ZPBP: variants seen among roughly 807,000 people sequenced by gnomAD.
ZPBP encodes zona pellucida binding protein.
ZPBP carries 26 observed loss-of-function variants against 44.8 expected under a neutral mutation model. The ratio of observed to expected loss-of-function variants is 0.58; its 90% confidence interval spans 0.43 to 0.81. ZPBP has a LOEUF of 0.81. ZPBP is among the 30% of genes least tolerant of loss of function. The probability of loss-of-function intolerance (pLI) is 0.00; values close to 1 mark genes in which losing one functional copy is unlikely to be tolerated. For missense variants in ZPBP, 409 were observed against 434.0 expected, an observed-to-expected ratio of 0.94 and a Z score of 0.51; for synonymous variants, 174 against 153.2, an observed-to-expected ratio of 1.14 and a Z score of -1.00.
chr7:49,874,259 A>G (rs1237248513), intron 2 of ZPBP, among the ~76,000 whole-genome samples: 2 of 152,212 alleles, frequency 1.3e-5, no homozygotes, highest in Admixed American at 6.5e-5. Flanking sequence ...TGGTGGTCCC[A>G]TAGAATTACA....
intron 2 of ZPBP, among the ~76,000 whole-genome samples, chr7:49,897,039 G>T (rs994304579): frequency 6.2e-4 from 94 of 152,062 alleles, no homozygotes; most frequent in African/African-American, 2.2e-3. Context: ...GGGACTACAG[G>T]CGCCCGCCAC....
downstream of ZPBP, among the ~76,000 whole-genome samples, chr7:49,847,280 T>C (rs1485381783): frequency 6.6e-6 from 1 of 151,262 alleles, no homozygotes; most frequent in Non-Finnish European, 1.5e-5. Flanking sequence ...ATCTGACTAG[T>C]ATCATTTGCG....
At chr7:49,924,518 A>C (rs951201023) in intron 1 of ZPBP, among the ~76,000 whole-genome samples, 1 of 152,220 alleles carries the variant, frequency 6.6e-6, no homozygotes, top group Non-Finnish European at 1.5e-5. Flanking sequence ...AAATGTCTCC[A>C]TATGTTGCAA....
At chr7:50,072,448 C>G (rs778115767) in intron 3 of ZPBP, among the ~76,000 whole-genome samples, 1 of 152,224 alleles carries the variant, frequency 6.6e-6, no homozygotes, top group Non-Finnish European at 1.5e-5. Context: ...AAGGGAAGGA[C>G]AAAGGCCTGG....
At chr7:49,973,639 G>A (rs1470332351) in intron 7 of ZPBP, among the ~76,000 whole-genome samples, 2 of 152,018 alleles carry the variant, frequency 1.3e-5, no homozygotes, top group African/African-American at 4.8e-5. Flanking sequence ...TCCACAATGA[G>A]GAACACTTCA....
intron 6 of ZPBP, among the ~76,000 whole-genome samples, chr7:50,005,633 C>T (rs1798272402): frequency 6.6e-6 from 1 of 151,432 alleles, no homozygotes; most frequent in African/African-American, 2.4e-5. Context: ...ACAATATACA[C>T]AAAAGGAAAT....
At chr7:50,070,006 G>A (rs557101876) in intron 3 of ZPBP, among the ~76,000 whole-genome samples, 6 of 151,894 alleles carry the variant, frequency 4.0e-5, no homozygotes, top group Admixed American at 3.3e-4. Flanking sequence ...CATCTCCCTT[G>A]CCCCAGGACT....
intron 1 of ZPBP, among the ~76,000 whole-genome samples, chr7:49,902,665 A>T (rs1406752970): frequency 6.6e-6 from 1 of 152,062 alleles, no homozygotes; most frequent in East Asian, 1.9e-4. Context: ...ATTCTTATGA[A>T]ATAACAAGAA....
rs553114064 is a variant in ZPBP, at chr7:50,066,187, G to T, written c.335-8046C>A. Among the ~76,000 whole-genome samples, 27 of 150,812 alleles carry T rather than the reference G, an allele frequency of 1.8e-4. 1 individual carries two copies. The highest frequency in any genetic ancestry group is 3.1e-4 in the Non-Finnish European group (21 of 67,682). Reference sequence around the variant, plus strand: ...GATTATGAACATATGCAGCATGGCAGGCATCAAAGTACAAGGAAATAGGCC... The same window carrying T: ...GATTATGAACATATGCAGCATGGCATGCATCAAAGTACAAGGAAATAGGCC... On this transcript the variant is annotated intron_variant, in intron 3 of 7. Coordinates refer to ENST00000046087, the MANE Select transcript of ZPBP (RefSeq NM_007009.3).
intron 1 of ZPBP, among the ~76,000 whole-genome samples, chr7:49,930,222 C>A (rs1040625009): frequency 1.3e-5 from 2 of 152,190 alleles, no homozygotes; most frequent in Non-Finnish European, 2.9e-5. Flanking sequence ...ACTGCACCAG[C>A]TAAGGGGAAC....
intron 4 of ZPBP, among the ~76,000 whole-genome samples, chr7:50,036,028 A>T (rs1007392597): frequency 2.6e-5 from 4 of 152,252 alleles, no homozygotes; most frequent in Admixed American, 1.3e-4. Flanking sequence ...TGGCAGACAT[A>T]ACACACCTGA....
At chr7:49,983,240 C>A (rs1797107744) in intron 7 of ZPBP, 102 bp downstream of exon 7, 2 of 1,018,404 alleles carry the variant, frequency 2.0e-6, no homozygotes, top group Non-Finnish European at 3.0e-6. Context: ...TGAAAAAATA[C>A]CTAAATGATA....
intron 3 of ZPBP, among the ~76,000 whole-genome samples, chr7:50,073,372 G>C (rs1396017550): frequency 6.6e-6 from 1 of 151,960 alleles, no homozygotes; most frequent in African/African-American, 2.4e-5. Context: ...AAAGAAAAAG[G>C]AGTAAAAAAC....
In ZPBP at chr7:49,931,430, C is replaced by T. The variant is rs116894238; in HGVS notation, n.411+4321G>A. On this transcript the variant is annotated intron_variant and non_coding_transcript_variant, in intron 1 of 2. Transcript: ENST00000465922. ...ACAATGAAGTCCAGGTTGAGGTGGT[C>T]TCAAATGGAAATGAGGAGCTTGTTG... Among the ~76,000 whole-genome samples, 1,159 of 152,202 alleles carry T rather than the reference C, an allele frequency of 7.6e-3. 8 individuals carry two copies. The highest frequency in any genetic ancestry group is 0.012 in the Non-Finnish European group (842 of 68,010).
At chr7:49,935,031 G>A (rs78776666), downstream of ZPBP, among the ~76,000 whole-genome samples, 4,563 of 152,120 alleles carry the variant, frequency 0.03, 187 homozygotes, top group South Asian at 0.13. Context: ...TAATCTCTCA[G>A]GGATTCATGT....
At chr7:49,912,209 G>C in intron 1 of ZPBP, 1 of 1,612,220 alleles carries the variant, frequency 6.2e-7, no homozygotes, top group Non-Finnish European at 8.5e-7. Context: ...CACAAACTCT[G>C]ACTTTTTCTA....
chr7:49,900,407 C>T (rs901192205), intron 2 of ZPBP, among the ~76,000 whole-genome samples: 1 of 151,508 alleles, frequency 6.6e-6, no homozygotes, highest in African/African-American at 2.4e-5. Flanking sequence ...AATAAAAGTT[C>T]TAAGTATCTC....
At chr7:50,037,927 T>C (rs540267720) in intron 4 of ZPBP, among the ~76,000 whole-genome samples, 1 of 152,252 alleles carries the variant, frequency 6.6e-6, no homozygotes, top group Non-Finnish European at 1.5e-5. Context: ...TCCGTGTTGC[T>C]GAAGTTATTA....
At chr7:50,020,966 G>C (rs1045289483) in intron 5 of ZPBP, among the ~76,000 whole-genome samples, 1 of 152,186 alleles carries the variant, frequency 6.6e-6, no homozygotes, top group Non-Finnish European at 1.5e-5. Flanking sequence ...ACAGACCTCA[G>C]AGGACATGAC....
Sources: allele counts gnomAD v4.1 joint callset (sites outside exome capture counted in the v4.1 genomes callset), GRCh38; gene constraint gnomAD v4.1.1; transcripts MANE v1.5; gene names NCBI Gene and HGNC (gene_info 2026-07-23, HGNC 2026-07-21).